Variants in NLGN1 observed in about 807,000 individuals in gnomAD.
NLGN1 encodes the protein neuroligin-1.
A neutral mutation model predicts 65.5 loss-of-function variants in NLGN1; 12 were observed. The observed-to-expected ratio is 0.18, with a 90% CI of 0.12 to 0.30. The LOEUF is 0.30. NLGN1 is among the 10% of genes least tolerant of loss of function. The probability of loss-of-function intolerance (pLI) is 1.00; values close to 1 mark genes in which losing one functional copy is unlikely to be tolerated. For missense variants in NLGN1, 750 were observed against 1,007.1 expected (o/e 0.74, Z 3.46); for synonymous variants, 350 against 359.5 (o/e 0.97, Z 0.30).
intron 4 of NLGN1, among the ~76,000 whole-genome samples, chr3:174,157,089 C>G (rs1725578296): frequency 6.6e-6 from 1 of 151,162 alleles, no homozygotes; most frequent in South Asian, 2.1e-4. Context: ...TACACTAATG[C>G]AAGAATTTCA....
At position 173,658,671 on chromosome 3, in the gene NLGN1, C is replaced by T. The variant is rs572095817; in HGVS notation, c.493+53580C>T. ...TTTGCTTTGGTTCATTCAAAGCTTG[C>T]TGCTTCTAAACTAAGACTTCCTTGG... On this transcript the variant is annotated intron_variant, in intron 3 of 6. Coordinates refer to ENST00000457714, the Ensembl canonical transcript of NLGN1. Among the ~76,000 whole-genome samples the T allele has an allele frequency of 3.9e-5, 6 of 152,106 alleles. No homozygotes were observed. The East Asian group carries it at 1.2e-3, about 29-fold the overall frequency.
intron 1 of NLGN1, among the ~76,000 whole-genome samples, chr3:173,417,376 T>C (rs1714015616): frequency 6.6e-6 from 1 of 151,910 alleles, no homozygotes; most frequent in Middle Eastern, 3.5e-3. Flanking sequence ...TTTTAAAATG[T>C]CTTGGTATGT....
chr3:174,192,487 A>C (rs2152761860), intron 4 of NLGN1, among the ~76,000 whole-genome samples: 1 of 152,340 alleles, frequency 6.6e-6, no homozygotes, highest in East Asian at 1.9e-4. Context: ...GTTTTCAACA[A>C]GTTAACAGGG....
chr3:173,450,644 TC>T (rs1721321478), intron 2 of NLGN1, among the ~76,000 whole-genome samples: 1 of 152,216 alleles, frequency 6.6e-6, no homozygotes, highest in South Asian at 2.1e-4. Context: ...CTGGATAATA[TC>T]CTGCAGAATG....
At chr3:173,497,613 T>C (rs1010185725) in intron 2 of NLGN1, among the ~76,000 whole-genome samples, 1 of 151,656 alleles carries the variant, frequency 6.6e-6, no homozygotes, top group East Asian at 1.9e-4. Flanking sequence ...CAAAAGGTAG[T>C]GTGTAAGCTA....
At chr3:174,108,842 G>A (rs1367457165) in intron 4 of NLGN1, among the ~76,000 whole-genome samples, 4 of 152,024 alleles carry the variant, frequency 2.6e-5, no homozygotes, top group Non-Finnish European at 4.4e-5. Context: ...TCTTGGGTCT[G>A]AGGTCCCTAA....
intron 2 of NLGN1, among the ~76,000 whole-genome samples, chr3:173,496,661 A>C (rs575061111): frequency 6.6e-6 from 1 of 152,002 alleles, no homozygotes; most frequent in Admixed American, 6.5e-5. Flanking sequence ...GAATATGAAC[A>C]TAAATGTGGT....
chr3:173,554,645 A>G (rs1741426264), intron 2 of NLGN1, among the ~76,000 whole-genome samples: 1 of 152,218 alleles, frequency 6.6e-6, no homozygotes, highest in African/African-American at 2.4e-5. Context: ...GATGAATAGT[A>G]TTCCACAATT....
intron 4 of NLGN1, among the ~76,000 whole-genome samples, chr3:174,121,103 T>G (rs1042757492): frequency 2.6e-5 from 4 of 152,154 alleles, no homozygotes; most frequent in Non-Finnish European, 1.5e-5. Context: ...AATAATACCT[T>G]TAGAGTCAAC....
chr3:173,573,181 C>G (rs1433382462), intron 2 of NLGN1, among the ~76,000 whole-genome samples: 1 of 151,868 alleles, frequency 6.6e-6, no homozygotes. Context: ...TGGATGTAAT[C>G]TCAGTTTAAT....
At chr3:174,148,097 A>G (rs1402871336) in intron 4 of NLGN1, among the ~76,000 whole-genome samples, 3 of 152,208 alleles carry the variant, frequency 2.0e-5, no homozygotes, top group African/African-American at 7.2e-5. Flanking sequence ...TAAACTGAAC[A>G]ATGAATTAAC....
At chr3:173,618,826 A>G (rs1753546154) in intron 3 of NLGN1, among the ~76,000 whole-genome samples, 1 of 152,056 alleles carries the variant, frequency 6.6e-6, no homozygotes, top group South Asian at 2.1e-4. Flanking sequence ...GGAGTGAGAG[A>G]TAAAGCTGGC....
chr3:173,916,172 C>T (rs59863634), intron 4 of NLGN1, among the ~76,000 whole-genome samples: 6,515 of 152,126 alleles, frequency 0.043, 485 homozygotes, highest in African/African-American at 0.15. Context: ...GCATGTAGCA[C>T]ATAGTAAAAG....
rs1290863530 is a variant in NLGN1 at position 173,734,024 on chromosome 3, T to C, written c.494-73656T>C. 1.3e-5 allele frequency among the ~76,000 whole-genome samples: 2 copies of C among 152,236 alleles called. 1 individual carries two copies. The highest frequency in any genetic ancestry group is 4.1e-4 in the South Asian group (2 of 4,822). ...TACCGGTTATCTAGTGTTACTTCTT[T>C]CTGTGAGCACATCAAGTAGACTTTG... On this transcript the variant is annotated intron_variant, in intron 3 of 6. Transcript: ENST00000457714.
At chr3:173,758,135 C>G (rs111383322) in intron 3 of NLGN1, among the ~76,000 whole-genome samples, 3 of 152,106 alleles carry the variant, frequency 2.0e-5, no homozygotes, top group African/African-American at 4.8e-5. Context: ...CTCCTTCTCT[C>G]CATGTGCATG....
intron 3 of NLGN1, among the ~76,000 whole-genome samples, chr3:173,759,387 T>G (rs1777615728): frequency 6.6e-6 from 1 of 152,010 alleles, no homozygotes; most frequent in South Asian, 2.1e-4. Flanking sequence ...CTTTTTCTTA[T>G]GTAGTTTCAC....
intron 3 of NLGN1, among the ~76,000 whole-genome samples, chr3:173,660,417 G>A (rs890105992): frequency 2.7e-5 from 4 of 150,834 alleles, no homozygotes; most frequent in African/African-American, 9.8e-5. Context: ...ACATTTTCTA[G>A]GTTCATGCAT....
chr3:173,943,491 G>A (rs1190838904), intron 4 of NLGN1, among the ~76,000 whole-genome samples: 1 of 152,122 alleles, frequency 6.6e-6, no homozygotes, highest in Non-Finnish European at 1.5e-5. Flanking sequence ...GAAAGTACAT[G>A]CACAGTGAAT....
intron 3 of NLGN1, among the ~76,000 whole-genome samples, chr3:173,690,903 A>T (rs540986646): frequency 3.3e-4 from 50 of 152,180 alleles, no homozygotes; most frequent in Non-Finnish European, 6.8e-4. Context: ...GGAGTACAGG[A>T]TGAACAGGTT....
Sources: gnomAD v4.1 joint callset for allele counts (sites outside exome capture counted in the v4.1 genomes callset) on GRCh38, gnomAD v4.1.1 for gene constraint, MANE v1.5 for transcripts, NCBI Gene and HGNC (gene_info 2026-07-23, HGNC 2026-07-21) for gene names.